Variants in NAV2 observed in about 807,000 individuals in gnomAD.
NAV2 encodes the protein helicase, APC down-regulated 1.
Under a neutral mutation model 223.2 loss-of-function variants are expected in NAV2, and 54 were observed. The ratio of observed to expected loss-of-function variants is 0.24; its 90% CI spans 0.19 to 0.30. The LOEUF (loss-of-function observed/expected upper bound fraction) is 0.30. Among genes scored for constraint, NAV2 ranks in the 10% least tolerant of loss-of-function variants. The pLI, the probability that NAV2 is intolerant of heterozygous loss-of-function variation, is 1.00. For synonymous variants in NAV2, 1,279 were observed against 1,239.3 expected, an observed-to-expected ratio of 1.03 and a Z score of -0.67; for missense variants, 2,806 against 3,147.5, an observed-to-expected ratio of 0.89 and a Z score of 2.60.
chr11:19,453,931 C>A (rs7938565), intron 1 of NAV2, among the ~76,000 whole-genome samples: 4,478 of 152,260 alleles, frequency 0.029, 160 homozygotes, highest in African/African-American at 0.08. Flanking sequence ...CCATTACGAT[C>A]ATTTTTCCTT....
intron 1 of NAV2, among the ~76,000 whole-genome samples, chr11:19,790,988 G>A (rs943140045): frequency 1.2e-3 from 177 of 151,064 alleles, no homozygotes; most frequent in African/African-American, 3.8e-3. Flanking sequence ...TATGTAATTT[G>A]TCTGCACAAC....
chr11:19,458,275 C>G (rs1050543153), intron 1 of NAV2, among the ~76,000 whole-genome samples: 1 of 152,212 alleles, frequency 6.6e-6, no homozygotes, highest in Non-Finnish European at 1.5e-5. Context: ...AGTGCTTGTG[C>G]TGGGTGACCA....
At chr11:19,684,899 G>A (rs533181683) in intron 1 of NAV2, among the ~76,000 whole-genome samples, 3 of 152,288 alleles carry the variant, frequency 2.0e-5, no homozygotes, top group East Asian at 3.9e-4. Context: ...ATAACCCATG[G>A]CCTCTCAGTA....
At chr11:19,943,874 A>C (rs556626909) in intron 8 of NAV2, among the ~76,000 whole-genome samples, 2 of 152,022 alleles carry the variant, frequency 1.3e-5, no homozygotes, top group South Asian at 4.2e-4. Context: ...TAGTTATTGC[A>C]CCTCTCCTCT....
In NAV2 at chr11:19,518,759, C is replaced by T. The variant is rs143271076; in HGVS notation, c.75+167732C>T. Among the ~76,000 whole-genome samples the T allele has an allele frequency of 1.6e-3, 244 of 152,276 alleles. 2 individuals carry two copies. Among genetic ancestry groups the T allele is most frequent in the African/African-American group, 4.3e-3 (179 of 41,544 alleles). On this transcript the variant is annotated intron_variant, in intron 1 of 37. Transcript: ENST00000360655. ...ACGTGTAAGAGCTTACAGAGTATAACGGTAATAATTGCCCTGGACGGGGTG... is the reference window on the plus strand; with the variant it reads ...ACGTGTAAGAGCTTACAGAGTATAATGGTAATAATTGCCCTGGACGGGGTG...
At chr11:19,994,471 G>A (rs1483938028) in intron 11 of NAV2, among the ~76,000 whole-genome samples, 3 of 151,944 alleles carry the variant, frequency 2.0e-5, no homozygotes, top group Non-Finnish European at 2.9e-5. Flanking sequence ...CGCTTGAACC[G>A]GGAGGTGGAG....
At chr11:19,744,270 G>T (rs551036608) in intron 1 of NAV2, among the ~76,000 whole-genome samples, 3 of 152,324 alleles carry the variant, frequency 2.0e-5, no homozygotes, top group South Asian at 2.1e-4. Flanking sequence ...CTAGGGATGA[G>T]TTGCAGGCCT....
intron 1 of NAV2, among the ~76,000 whole-genome samples, chr11:19,380,243 T>C (rs1848791410): frequency 6.6e-6 from 1 of 152,238 alleles, no homozygotes; most frequent in Non-Finnish European, 1.5e-5. Context: ...CACAGTGATG[T>C]TGATACCCAT....
intron 1 of NAV2, among the ~76,000 whole-genome samples, chr11:19,644,089 C>CACACAT (rs1235226632): frequency 6.6e-6 from 1 of 152,108 alleles, no homozygotes; most frequent in African/African-American, 2.4e-5. Flanking sequence ...TGCACACACA[C>CACACAT]ACACACAGCA....
intron 1 of NAV2, among the ~76,000 whole-genome samples, chr11:19,461,264 C>G (rs1258008706): frequency 6.6e-6 from 1 of 152,154 alleles, no homozygotes; most frequent in Non-Finnish European, 1.5e-5. Context: ...CCCGCCTCCC[C>G]TCTCCCTGGT....
At position 19,409,819 on chromosome 11, in the gene NAV2, G is replaced by A. The variant is rs35166381; in HGVS notation, c.75+58792G>A. Among the ~76,000 whole-genome samples, 753 of 152,252 alleles carry A rather than the reference G, an allele frequency of 4.9e-3. 7 individuals are homozygous for A. The highest frequency in any genetic ancestry group is 0.017 in the African/African-American group (721 of 41,532). ...CTTCAGGTCACACGAATCTTCTGTT[G>A]TAGAGCTGGTATTTGAACCCAGGTC... On this transcript the variant is annotated intron_variant, in intron 1 of 37. Coordinates refer to the NAV2 transcript ENST00000360655.
At chr11:19,558,734 T>C (rs925871991) in intron 1 of NAV2, among the ~76,000 whole-genome samples, 6 of 152,200 alleles carry the variant, frequency 3.9e-5, no homozygotes, top group Non-Finnish European at 1.5e-5. Context: ...CAATCCCCTG[T>C]ACAGCCTGTG....
chr11:19,824,606 T>G (rs985083626), intron 1 of NAV2, among the ~76,000 whole-genome samples: 1 of 152,250 alleles, frequency 6.6e-6, no homozygotes, highest in Non-Finnish European at 1.5e-5. Context: ...AAGGAGGTGG[T>G]TTTTAATCCC....
At chr11:19,431,755 G>A (rs1355886342) in intron 1 of NAV2, among the ~76,000 whole-genome samples, 1 of 152,246 alleles carries the variant, frequency 6.6e-6, no homozygotes, top group Non-Finnish European at 1.5e-5. Context: ...AGTCTATCAA[G>A]ATGAAATATA....
At chr11:19,480,042 A>G (rs2042232752) in intron 1 of NAV2, among the ~76,000 whole-genome samples, 1 of 152,222 alleles carries the variant, frequency 6.6e-6, no homozygotes, top group Non-Finnish European at 1.5e-5. Flanking sequence ...ATGCTAGGAC[A>G]GTAGAACTGA....
At chr11:19,374,032 A>G (rs565130242) in intron 1 of NAV2, among the ~76,000 whole-genome samples, 2 of 152,368 alleles carry the variant, frequency 1.3e-5, no homozygotes, top group East Asian at 3.9e-4. Context: ...ATAACAGTAG[A>G]TCTTTCTTAA....
chr11:19,700,260 C>G (rs575048482), intron 1 of NAV2, among the ~76,000 whole-genome samples: 68 of 152,244 alleles, frequency 4.5e-4, no homozygotes, highest in African/African-American at 1.4e-3. Context: ...AGATGAGAAA[C>G]CTGAGGCACA....
intron 1 of NAV2, among the ~76,000 whole-genome samples, chr11:19,399,341 A>G (rs780471832): frequency 2.0e-4 from 30 of 152,240 alleles, no homozygotes; most frequent in Admixed American, 1.6e-3. Context: ...TGACACTACC[A>G]GTATGCTAAT....
At chr11:19,601,370 G>A (rs967939225) in intron 1 of NAV2, among the ~76,000 whole-genome samples, 2 of 152,052 alleles carry the variant, frequency 1.3e-5, no homozygotes, top group African/African-American at 4.8e-5. Context: ...TCCTTCCCTT[G>A]CCTCCGCAGT....
Sources: allele counts gnomAD v4.1 joint callset (sites outside exome capture counted in the v4.1 genomes callset), GRCh38; gene constraint gnomAD v4.1.1; transcripts MANE v1.5; gene names NCBI Gene and HGNC (gene_info 2026-07-23, HGNC 2026-07-21).